MCMBP: variants seen among roughly 807,000 people sequenced by gnomAD.
The protein encoded by MCMBP is mini-chromosome maintenance complex-binding protein.
In MCMBP, 31 loss-of-function variants were observed where a neutral mutation model predicts 81.3. That is an observed-to-expected ratio of 0.38 (90% CI 0.29 to 0.51). MCMBP has a LOEUF of 0.51. MCMBP is among the 20% of genes least tolerant of loss of function. MCMBP has a pLI of 0.87. For missense variants in MCMBP, 645 were observed against 772.1 expected (o/e 0.84, Z 1.95); for synonymous variants, 267 against 275.9 (o/e 0.97, Z 0.32).
At chr10:119,839,622 A>T (rs1053403918) in intron 11 of MCMBP, among the ~76,000 whole-genome samples, 1 of 152,060 alleles carries the variant, frequency 6.6e-6, no homozygotes, top group Non-Finnish European at 1.5e-5. Flanking sequence ...AATTGCTTAA[A>T]CCCTTTTACA....
At position 119,847,623 on chromosome 10, in the gene MCMBP, T is replaced by G; in HGVS notation, c.817A>C (p.Asn273His). ...AGCACACAGACTCACCTTTCATCAT[T>G]ATTCAGTATACTCAGCACAGGATCC... ...SVDPVLSILNNDERDASALLD... is the reference protein window; with the variant it reads ...SVDPVLSILNHDERDASALLD... The change falls in exon 8 of 16, where the codon AAT becomes CAT. Residue 273 changes from asparagine to histidine, a missense_variant. Asn to His is a moderately conservative substitution (Grantham distance 68). Transcript: ENST00000369077. The G allele has an allele frequency of 6.3e-7, 1 of 1,596,784 alleles. No homozygotes were observed. The highest frequency in any genetic ancestry group is 8.6e-7 in the Non-Finnish European group (1 of 1,167,840).
intron 10 of MCMBP, among the ~76,000 whole-genome samples, 168 bp from the exon 11 acceptor site, chr10:119,841,128 G>C (rs954288472): frequency 5.3e-5 from 8 of 152,204 alleles, no homozygotes; most frequent in Non-Finnish European, 1.2e-4. Context: ...GCCAATATTT[G>C]TACGTAAGTG....
intron 6 of MCMBP, 134 bp from the exon 7 acceptor site, chr10:119,849,710 T>A: frequency 2.8e-6 from 2 of 715,026 alleles, no homozygotes; most frequent in South Asian, 2.4e-5. Flanking sequence ...TTACAGTTTT[T>A]AAGGAAACAG....
chr10:119,840,971 A>G lies in MCMBP; in HGVS notation c.1125-11T>C. On this transcript the variant is annotated splice_polypyrimidine_tract_variant and intron_variant, in intron 10 of 15. Coordinates refer to ENST00000369077, the MANE Select transcript of MCMBP (RefSeq NM_001256378.2). ...TCTCTTCTTGTATATCTAGAAAAGA[A>G]AGAAATCAATCAATAAGATGCTGAA... 2 of 1,470,206 alleles carry G rather than the reference A, an allele frequency of 1.4e-6. No homozygotes were observed. The highest frequency in any genetic ancestry group is 1.9e-6 in the Non-Finnish European group (2 of 1,056,618). The allele number at this position is 1,470,206 out of a possible 1,614,324, so 91.1% of individuals were successfully genotyped here.
At chr10:119,851,901 C>T (rs1852836581) in intron 6 of MCMBP, among the ~76,000 whole-genome samples, 3 of 151,930 alleles carry the variant, frequency 2.0e-5, no homozygotes, top group African/African-American at 7.3e-5. Flanking sequence ...GCCTGTAATC[C>T]CAGAACTTTG....
chr10:119,862,085 TCA>T (rs1853277494), intron 1 of MCMBP, among the ~76,000 whole-genome samples: 1 of 152,148 alleles, frequency 6.6e-6, no homozygotes. Context: ...GGCAGGCGGA[TCA>T]CCTGAGGTCA....
At position 119,867,020 on chromosome 10, in the gene MCMBP, C is replaced by T. The variant is rs539268819; in HGVS notation, c.58+5507G>A. 1.1e-4 allele frequency among the ~76,000 whole-genome samples: 16 copies of T among 151,536 alleles called. 1 individual carries two copies. The South Asian group carries it at 1.3e-3, about 12-fold the overall frequency. On this transcript the variant is annotated intron_variant, in intron 1 of 15. Coordinates refer to ENST00000369077, the MANE Select transcript of MCMBP (RefSeq NM_001256378.2). ...AAAAGCGGTTACTTCAGGCAGGGCA[C>T]GGTGGCTCATGCCTCTAATCCCAGC...
At chr10:119,839,022 T>A (rs1329355977) in intron 11 of MCMBP, among the ~76,000 whole-genome samples, 1 of 152,206 alleles carries the variant, frequency 6.6e-6, no homozygotes, top group Non-Finnish European at 1.5e-5. Context: ...CTCTTTCACC[T>A]AACACAAGCT....
At chr10:119,851,503 C>T (rs1852823649) in intron 6 of MCMBP, among the ~76,000 whole-genome samples, 1 of 152,100 alleles carries the variant, frequency 6.6e-6, no homozygotes. Context: ...ATGATCTCAG[C>T]TCACTGCAAC....
intron 14 of MCMBP, among the ~76,000 whole-genome samples, chr10:119,834,619 C>G (rs1852169064): frequency 6.6e-6 from 1 of 151,898 alleles, no homozygotes; most frequent in Non-Finnish European, 1.5e-5. Context: ...GAGTTCGAGA[C>G]TAGCCTGGGC....
chr10:119,868,558 G>A (rs547456552), intron 1 of MCMBP, among the ~76,000 whole-genome samples: 2 of 152,300 alleles, frequency 1.3e-5, no homozygotes, highest in Middle Eastern at 6.8e-3. Flanking sequence ...AATGTACAAG[G>A]CAAATTCTAA....
intron 1 of MCMBP, among the ~76,000 whole-genome samples, chr10:119,869,997 T>C (rs1386079610): frequency 6.6e-6 from 1 of 152,250 alleles, no homozygotes; most frequent in African/African-American, 2.4e-5. Context: ...GAGGTGAATT[T>C]TTAATTTTGT....
intron 13 of MCMBP, 119 bp downstream of exon 13, chr10:119,836,777 T>G (rs1438062598): frequency 2.8e-5 from 9 of 316,848 alleles, no homozygotes; most frequent in African/African-American, 7.4e-5. Context: ...TTTTTTTTTT[T>G]TTTTTTTTTT....
At chr10:119,867,339 G>A (rs1853505485) in intron 1 of MCMBP, among the ~76,000 whole-genome samples, 1 of 150,952 alleles carries the variant, frequency 6.6e-6, no homozygotes. Flanking sequence ...CTTCAATGGA[G>A]GGAGCACGTA....
At chr10:119,833,236 A>G (rs1179146358) in intron 14 of MCMBP, among the ~76,000 whole-genome samples, 1 of 152,228 alleles carries the variant, frequency 6.6e-6, no homozygotes, top group Non-Finnish European at 1.5e-5. Flanking sequence ...ATTAGTCAAA[A>G]AAGTTACTAA....
intron 7 of MCMBP, among the ~76,000 whole-genome samples, 155 bp downstream of exon 7, chr10:119,849,270 T>C (rs1852726057): frequency 6.6e-6 from 1 of 152,212 alleles, no homozygotes; most frequent in South Asian, 2.1e-4. Context: ...CTAAAGCCTG[T>C]AAGATGATAA....
Position 119,858,872 on chromosome 10 carries a change from A to C in MCMBP, c.327+12T>G, listed in dbSNP as rs776653751. 6.3e-7 allele frequency: 1 copy of C among 1,581,180 alleles called. No individual in the cohort carries two copies. Among genetic ancestry groups the C allele is most frequent in the Admixed American group, 1.8e-5 (1 of 55,794 alleles). On this transcript the variant is annotated intron_variant, in intron 4 of 15. Transcript: ENST00000369077. The stretch of plus-strand genomic sequence containing the variant: ...TTACTAAAAATGTTTCATATATATT[A>C]AAGATACATACCCCACACTCTGCTA...
At chr10:119,836,311 A>G (rs1294710880) in intron 13 of MCMBP, among the ~76,000 whole-genome samples, 5 of 152,210 alleles carry the variant, frequency 3.3e-5, no homozygotes, top group Non-Finnish European at 7.3e-5. Flanking sequence ...CAGAAAACAT[A>G]TCCTTGAGCC....
chr10:119,836,888 C>CTG lies in MCMBP; in HGVS notation c.1542+7_1542+8insCA. The CTG allele has an allele frequency of 6.4e-7, 1 of 1,563,418 alleles. No individual in the cohort carries two copies. The highest frequency in any genetic ancestry group is 8.7e-7 in the Non-Finnish European group (1 of 1,148,106). On this transcript the variant is annotated splice_region_variant and intron_variant, in intron 13 of 15. Transcript: ENST00000369077. Reference sequence around the variant, plus strand: ...AACCTCCCTCCATTTAAAAATGACTCATCATACCGGGAGGAGTGACCTCCC... The same window carrying CTG: ...AACCTCCCTCCATTTAAAAATGACTCTGATCATACCGGGAGGAGTGACCTCCC...
Sources: allele counts gnomAD v4.1 joint callset (sites outside exome capture counted in the v4.1 genomes callset), GRCh38; gene constraint gnomAD v4.1.1; transcripts MANE v1.5; gene names NCBI Gene and HGNC (gene_info 2026-07-23, HGNC 2026-07-21).